The following B3GALT1 variants were observed in gnomAD, a reference collection of about 807,000 sequenced individuals.
B3GALT1 encodes the protein UDP-Gal:betaGlcNAc beta 1,3-galactosyltransferase, polypeptide 1.
Under a neutral mutation model 23.2 loss-of-function variants are expected in B3GALT1, and 10 were observed. That is an observed-to-expected ratio of 0.43 (90% CI 0.27 to 0.73). B3GALT1 has a LOEUF of 0.73. B3GALT1 is among the 30% of genes least tolerant of loss of function. The pLI is 0.21. For synonymous variants in B3GALT1, 156 were observed against 141.5 expected (o/e 1.10, Z -0.73); for missense variants, 299 against 405.4 (o/e 0.74, Z 2.25).
At chr2:167,494,914 T>G (rs958724199) in intron 2 of B3GALT1, among the ~76,000 whole-genome samples, 8 of 152,156 alleles carry the variant, frequency 5.3e-5, no homozygotes, top group Non-Finnish European at 1.2e-4. Context: ...GGTATCTGAT[T>G]TCTTTAAATG....
At chr2:167,775,727 A>C (rs1185954303) in intron 3 of B3GALT1, among the ~76,000 whole-genome samples, 1 of 149,544 alleles carries the variant, frequency 6.7e-6, no homozygotes, top group African/African-American at 2.5e-5. Context: ...TCCATATTCA[A>C]ATGCATGAAG....
Position 167,862,010 on chromosome 2 carries a change from T to G in B3GALT1, c.-229-6801T>G, listed in dbSNP as rs79556482. ...CTGCTTGGTGAGGCTCCTGCAACCT[T>G]GCCCATGGTGAAGGGAAGCTCAAAT... is the stretch of plus-strand genomic sequence containing the variant. On this transcript the variant is annotated intron_variant, in intron 4 of 4. Coordinates refer to ENST00000392690, the MANE Select transcript of B3GALT1 (RefSeq NM_020981.4). Among the ~76,000 whole-genome samples, 1,456 of 152,278 alleles carry G rather than the reference T, an allele frequency of 9.6e-3. 20 individuals carry two copies. The highest frequency in any genetic ancestry group is 0.033 in the African/African-American group (1,370 of 41,558).
intron 1 of B3GALT1, among the ~76,000 whole-genome samples, chr2:167,329,328 T>C (rs1362835999): frequency 6.6e-6 from 1 of 152,218 alleles, no homozygotes; most frequent in African/African-American, 2.4e-5. Context: ...GTTTTTGATA[T>C]TCAGTTTTAG....
At chr2:167,790,884 A>G (rs1434957424) in intron 3 of B3GALT1, among the ~76,000 whole-genome samples, 3 of 152,124 alleles carry the variant, frequency 2.0e-5, no homozygotes, top group Non-Finnish European at 4.4e-5. Context: ...CTTTGAAATT[A>G]TATTTTGTAT....
chr2:167,748,693 T>G (rs1687688209), intron 3 of B3GALT1, among the ~76,000 whole-genome samples: 1 of 152,200 alleles, frequency 6.6e-6, no homozygotes, highest in Non-Finnish European at 1.5e-5. Context: ...AGTCAAAGTA[T>G]AATGCCTAAC....
At chr2:167,636,839 G>A (rs1479824032) in intron 2 of B3GALT1, among the ~76,000 whole-genome samples, 1 of 152,038 alleles carries the variant, frequency 6.6e-6, no homozygotes, top group South Asian at 2.1e-4. Flanking sequence ...CTGTCAGTGG[G>A]TGGGGGGCTA....
intron 2 of B3GALT1, among the ~76,000 whole-genome samples, chr2:167,490,692 T>C (rs1699696165): frequency 6.6e-6 from 1 of 152,100 alleles, no homozygotes; most frequent in African/African-American, 2.4e-5. Flanking sequence ...CTTGGCATCT[T>C]ATTAGCACAT....
At chr2:167,705,064 G>T (rs775118504) in intron 3 of B3GALT1, among the ~76,000 whole-genome samples, 1 of 152,106 alleles carries the variant, frequency 6.6e-6, no homozygotes, top group Non-Finnish European at 1.5e-5. Flanking sequence ...TCTTGGCTTG[G>T]CTATGTGACC....
intron 2 of B3GALT1, among the ~76,000 whole-genome samples, chr2:167,625,689 C>G (rs1230449996): frequency 6.6e-6 from 1 of 151,568 alleles, no homozygotes; most frequent in African/African-American, 2.4e-5. Flanking sequence ...TCGTTGCAAA[C>G]TATACTTTCT....
intron 3 of B3GALT1, chr2:167,713,851 A>G (rs956416844): frequency 3.2e-5 from 51 of 1,592,240 alleles, no homozygotes; most frequent in Non-Finnish European, 4.4e-5. Flanking sequence ...GACCTGGGAA[A>G]TCCCTTGATA....
chr2:167,861,030 G>C (rs536079043), intron 4 of B3GALT1, among the ~76,000 whole-genome samples: 7 of 152,286 alleles, frequency 4.6e-5, no homozygotes, highest in Admixed American at 1.3e-4. Context: ...AAAATGTAAA[G>C]GAGTGAAGTC....
intron 3 of B3GALT1, among the ~76,000 whole-genome samples, chr2:167,669,693 A>G (rs1163049718): frequency 6.6e-6 from 1 of 152,204 alleles, no homozygotes; most frequent in Admixed American, 6.5e-5. Context: ...CAAATATTTT[A>G]TTCTTTGAAA....
intron 2 of B3GALT1, among the ~76,000 whole-genome samples, chr2:167,531,088 A>G (rs1683318274): frequency 6.6e-6 from 1 of 152,190 alleles, no homozygotes; most frequent in East Asian, 1.9e-4. Context: ...ATACTGTTTC[A>G]TTCTCCTACC....
chr2:167,806,399 C>T (rs1688754666), intron 3 of B3GALT1, among the ~76,000 whole-genome samples: 1 of 152,200 alleles, frequency 6.6e-6, no homozygotes, highest in East Asian at 1.9e-4. Context: ...GCATCCCTGC[C>T]TTGTGCCAGT....
intron 3 of B3GALT1, among the ~76,000 whole-genome samples, chr2:167,671,955 A>G (rs1466497265): frequency 6.6e-6 from 1 of 152,156 alleles, no homozygotes; most frequent in Non-Finnish European, 1.5e-5. Context: ...AATTGATACC[A>G]CAGAAATACA....
chr2:167,409,678 C>T (rs1376888473), intron 1 of B3GALT1, among the ~76,000 whole-genome samples: 1 of 151,996 alleles, frequency 6.6e-6, no homozygotes, highest in Admixed American at 6.6e-5. Context: ...TTCTTAGCTT[C>T]CTTGCATTGG....
rs146947002 is a variant in B3GALT1, at chr2:167,413,317, A to G, written c.-510-76860A>G. Among the ~76,000 whole-genome samples the G allele has an allele frequency of 4.6e-4, 70 of 152,168 alleles. No homozygotes were observed. In the East Asian group the frequency reaches 0.013, roughly 28 times the overall value. ...TAAATGTTTATGTGTACTTAAACAG[A>G]TTGTGTATTCTGCTTTGAGAGACGA... On this transcript the variant is annotated intron_variant, in intron 1 of 4. Coordinates refer to ENST00000392690, the MANE Select transcript of B3GALT1 (RefSeq NM_020981.4).
At position 167,491,500 on chromosome 2, in the gene B3GALT1, T is replaced by TTC. The variant is rs1553521779; in HGVS notation, c.-410+1223_-410+1224insTC. On this transcript the variant is annotated intron_variant, in intron 2 of 4. Coordinates refer to ENST00000392690, the MANE Select transcript of B3GALT1 (RefSeq NM_020981.4). Reference sequence around the variant, plus strand: ...TACTTTTGCTTTTTTTTTTTTTTTTTCATTAACAGACTTTTTAAAGAGTAG... The same window carrying TTC: ...TACTTTTGCTTTTTTTTTTTTTTTTTTCCATTAACAGACTTTTTAAAGAGTAG... Among the ~76,000 whole-genome samples the TTC allele has an allele frequency of 8.7e-5, 13 of 149,580 alleles. No individual in the cohort carries two copies. In the East Asian group the frequency reaches 9.8e-4, roughly 11 times the overall value.
At chr2:167,336,181 G>A (rs967796336) in intron 1 of B3GALT1, among the ~76,000 whole-genome samples, 8 of 152,028 alleles carry the variant, frequency 5.3e-5, no homozygotes, top group Non-Finnish European at 2.9e-5. Context: ...TGACCCTTGG[G>A]TTGAAGTAGT....
Sources: gnomAD v4.1 joint callset for allele counts (sites outside exome capture counted in the v4.1 genomes callset) on GRCh38, gnomAD v4.1.1 for gene constraint, MANE v1.5 for transcripts, NCBI Gene and HGNC (gene_info 2026-07-23, HGNC 2026-07-21) for gene names.